Variants in RASEF observed in about 807,000 individuals in gnomAD.
RASEF encodes RAS and EF-hand domain containing, also known as ras and EF-hand domain-containing protein.
RASEF carries 68 observed loss-of-function variants against 90.1 expected under a neutral mutation model. The observed-to-expected ratio is 0.75, with a 90% CI of 0.62 to 0.92. The LOEUF (loss-of-function observed/expected upper bound fraction) is 0.92, where lower values mean the gene tolerates loss of function less well. Among genes scored for constraint, RASEF ranks in the 40% least tolerant of loss-of-function variants. The pLI, the probability that RASEF is intolerant of heterozygous loss-of-function variation, is 0.00. For missense variants in RASEF, 949 were observed against 937.2 expected, an observed-to-expected ratio of 1.01 and a Z score of -0.16; for synonymous variants, 331 against 345.2, an observed-to-expected ratio of 0.96 and a Z score of 0.46.
Position 82,999,576 on chromosome 9 carries a change from C to CTG in RASEF, c.1723+592_1723+593insCA, listed in dbSNP as rs527337175. On this transcript the variant is annotated intron_variant, in intron 12 of 16. Coordinates refer to ENST00000376447, the MANE Select transcript of RASEF (RefSeq NM_152573.4). ...GATATCTCAGGATCTAAATTTGATT[C>CTG]AATTCATCTGATTGGCTAAGCAGAT... Among the ~76,000 whole-genome samples, 509 of 151,488 alleles carry CTG rather than the reference C, an allele frequency of 3.4e-3. 4 individuals are homozygous for CTG. Among genetic ancestry groups the CTG allele is most frequent in the African/African-American group, 0.011 (467 of 41,320 alleles).
the RASEF span, among the ~76,000 whole-genome samples, chr9:83,197,188 C>T: frequency 6.6e-6 from 1 of 152,174 alleles, no homozygotes; most frequent in Admixed American, 6.5e-5. Context: ...CCATGGAAAC[C>T]ACGGAAAGAC....
chr9:83,169,410 T>G, the RASEF span, among the ~76,000 whole-genome samples: 2 of 151,126 alleles, frequency 1.3e-5, no homozygotes, highest in African/African-American at 4.9e-5. Flanking sequence ...TGGGATTGTT[T>G]GATCTTATAC....
chr9:83,179,803 C>A, the RASEF span, among the ~76,000 whole-genome samples: 1 of 152,060 alleles, frequency 6.6e-6, no homozygotes, highest in African/African-American at 2.4e-5. Context: ...AAAACACACA[C>A]ACATACACAC....
chr9:83,172,112 A>T, the RASEF span, among the ~76,000 whole-genome samples: 1 of 151,328 alleles, frequency 6.6e-6, no homozygotes, highest in African/African-American at 2.4e-5. Context: ...TTGTGTTTCC[A>T]TTTTCACTTG....
intron 5 of RASEF, among the ~76,000 whole-genome samples, chr9:83,010,010 G>T (rs1829211160): frequency 6.6e-6 from 1 of 152,098 alleles, no homozygotes; most frequent in Admixed American, 6.5e-5. Context: ...AACTACAACA[G>T]TCAAGGGTTT....
At chr9:83,070,166 T>C in the RASEF span, among the ~76,000 whole-genome samples, 1 of 151,904 alleles carries the variant, frequency 6.6e-6, no homozygotes, top group Admixed American at 6.5e-5. Context: ...AGTTTTTCAG[T>C]TATAGTATGT....
chr9:83,146,669 G>A, the RASEF span, among the ~76,000 whole-genome samples: 1 of 152,118 alleles, frequency 6.6e-6, no homozygotes, highest in Non-Finnish European at 1.5e-5. Context: ...AATTGTATGG[G>A]TGCATATGCT....
the RASEF span, among the ~76,000 whole-genome samples, chr9:83,173,268 T>C: frequency 3.3e-5 from 5 of 151,950 alleles, no homozygotes; most frequent in African/African-American, 1.2e-4. Flanking sequence ...TGCACCTGGA[T>C]ATTTATACCT....
intron 1 of RASEF, among the ~76,000 whole-genome samples, chr9:83,029,541 C>T (rs1332165294): frequency 6.6e-6 from 1 of 150,814 alleles, no homozygotes; most frequent in African/African-American, 2.4e-5. Context: ...TACAGGAGCC[C>T]ACCACCACAC....
chr9:83,032,833 T>G (rs1279945640), intron 1 of RASEF, among the ~76,000 whole-genome samples: 1 of 152,200 alleles, frequency 6.6e-6, no homozygotes, highest in Non-Finnish European at 1.5e-5. Flanking sequence ...CGCACCCATT[T>G]TCATAAGATT....
chr9:83,092,267 G>T, the RASEF span, among the ~76,000 whole-genome samples: 1 of 152,000 alleles, frequency 6.6e-6, no homozygotes, highest in East Asian at 1.9e-4. Flanking sequence ...AAAATGTGCT[G>T]TAGTATTGTG....
the RASEF span, among the ~76,000 whole-genome samples, chr9:83,205,828 G>A: frequency 6.6e-6 from 1 of 152,116 alleles, no homozygotes; most frequent in Non-Finnish European, 1.5e-5. Flanking sequence ...ACAAAAGAAT[G>A]GTCAAACCTC....
At chr9:82,994,983 A>G (rs1377113454) in intron 14 of RASEF, among the ~76,000 whole-genome samples, 2 of 152,192 alleles carry the variant, frequency 1.3e-5, no homozygotes, top group Non-Finnish European at 2.9e-5. Flanking sequence ...CAAATTAGAA[A>G]CAGTAAGCCA....
At chr9:83,180,010 A>G in the RASEF span, among the ~76,000 whole-genome samples, 2 of 151,364 alleles carry the variant, frequency 1.3e-5, no homozygotes, top group Non-Finnish European at 2.9e-5. Flanking sequence ...AATTCTGAGC[A>G]ACAGAACTGC....
At chr9:83,064,937 G>A (rs901992499), upstream of RASEF, among the ~76,000 whole-genome samples, 4 of 152,056 alleles carry the variant, frequency 2.6e-5, no homozygotes, top group African/African-American at 2.4e-5. Context: ...GCGTGGTGGC[G>A]GGCACCTTTA....
chr9:83,032,286 G>T, intron 1 of RASEF, among the ~76,000 whole-genome samples: 1 of 152,174 alleles, frequency 6.6e-6, no homozygotes. Flanking sequence ...GTTGGCACAA[G>T]TGAGTGCTGA....
chr9:83,109,929 GA>G, the RASEF span, among the ~76,000 whole-genome samples: 2 of 152,144 alleles, frequency 1.3e-5, no homozygotes, highest in Non-Finnish European at 2.9e-5. Flanking sequence ...TGAAGTGGAA[GA>G]AACATATCAC....
At chr9:82,983,912 G>A (rs974294195) in intron 16 of RASEF, among the ~76,000 whole-genome samples, 2 of 152,134 alleles carry the variant, frequency 1.3e-5, no homozygotes, top group Non-Finnish European at 2.9e-5. Context: ...GTGGCCATCT[G>A]ACTGCAAACA....
rs147641108 is a variant in RASEF, at chr9:83,022,870, T to G, written c.579-444A>C. Among the ~76,000 whole-genome samples, 454 of 152,326 alleles carry G rather than the reference T, an allele frequency of 3.0e-3. 1 individual carries two copies. The highest frequency in any genetic ancestry group is 4.9e-3 in the Non-Finnish European group (336 of 68,024). On this transcript the variant is annotated intron_variant, in intron 2 of 16. Transcript: ENST00000376447. ...GGTATTTATGTATCTAAACACAGAA[T>G]AGATACAGTAAAAGTATAGGATTAT...
Sources: allele counts gnomAD v4.1 joint callset (sites outside exome capture counted in the v4.1 genomes callset), GRCh38; gene constraint gnomAD v4.1.1; transcripts MANE v1.5; gene names NCBI Gene and HGNC (gene_info 2026-07-23, HGNC 2026-07-21).